Variants in ANKS1B observed in about 807,000 individuals in gnomAD.
The protein encoded by ANKS1B is ankyrin repeat and sterile alpha motif domain-containing protein 1B.
Under a neutral mutation model 148.3 loss-of-function variants are expected in ANKS1B, and 36 were observed. The observed-to-expected ratio is 0.24, with a 90% CI of 0.19 to 0.32. ANKS1B has a LOEUF of 0.32. Ranked by LOEUF, ANKS1B falls within the 10% of genes least tolerant of loss-of-function variation. ANKS1B has a pLI of 1.00. For missense variants in ANKS1B, 1,157 were observed against 1,542.6 expected (o/e 0.75, Z 4.19); for synonymous variants, 542 against 560.8 (o/e 0.97, Z 0.47).
intron 1 of ANKS1B, among the ~76,000 whole-genome samples, chr12:99,933,208 T>G (rs886737900): frequency 4.6e-5 from 7 of 152,168 alleles, no homozygotes; most frequent in African/African-American, 1.7e-4. Flanking sequence ...TCCTCCGGTT[T>G]TGTTCATTTT....
intron 4 of ANKS1B, among the ~76,000 whole-genome samples, chr12:99,794,808 CAAT>C (rs758484368): frequency 1.6e-4 from 24 of 151,732 alleles, no homozygotes; most frequent in Non-Finnish European, 3.2e-4. Flanking sequence ...GCACTATAAT[CAAT>C]AATAATTCAA....
At chr12:99,509,747 C>T (rs553989328) in intron 9 of ANKS1B, among the ~76,000 whole-genome samples, 3 of 152,118 alleles carry the variant, frequency 2.0e-5, no homozygotes, top group African/African-American at 7.2e-5. Flanking sequence ...AAGGTGACTA[C>T]ACTAAACAAT....
chr12:99,754,707 T>C (rs183832838), intron 8 of ANKS1B, among the ~76,000 whole-genome samples: 70 of 152,214 alleles, frequency 4.6e-4, no homozygotes, highest in African/African-American at 1.7e-3. Context: ...CTCAAAGCCA[T>C]ACAACTACAT....
Position 99,405,260 on chromosome 12 carries a change from T to C in ANKS1B, c.1576-5449A>G, listed in dbSNP as rs909211595. Among the ~76,000 whole-genome samples the C allele has an allele frequency of 3.4e-5, 5 of 145,368 alleles. 1 individual carries two copies. The highest frequency in any genetic ancestry group is 2.1e-4 in the South Asian group (1 of 4,768). On this transcript the variant is annotated intron_variant, in intron 11 of 26. Transcript: ENST00000683438. ...AACACAGAATAGTATAACACTGTAA[T>C]TGGGATGTGTGAACTCATATTTTGA...
At chr12:99,284,161 G>A (rs1482651488) in intron 12 of ANKS1B, among the ~76,000 whole-genome samples, 1 of 152,152 alleles carries the variant, frequency 6.6e-6, no homozygotes, top group Non-Finnish European at 1.5e-5. Context: ...AATCTCAGGG[G>A]ATCATCTGAT....
chr12:99,957,420 A>G (rs1374898059), intron 1 of ANKS1B, among the ~76,000 whole-genome samples: 1 of 152,200 alleles, frequency 6.6e-6, no homozygotes, highest in Non-Finnish European at 1.5e-5. Context: ...CTCCCAAAAT[A>G]TCTCCTACAA....
At chr12:99,586,848 T>C (rs1040762488) in intron 9 of ANKS1B, among the ~76,000 whole-genome samples, 10 of 152,110 alleles carry the variant, frequency 6.6e-5, no homozygotes, top group South Asian at 2.1e-4. Context: ...TGAGACTTAT[T>C]AACTATCATG....
chr12:99,705,142 A>G (rs2055531948), intron 8 of ANKS1B, among the ~76,000 whole-genome samples: 1 of 152,108 alleles, frequency 6.6e-6, no homozygotes, highest in South Asian at 2.1e-4. Flanking sequence ...AACTATGTGA[A>G]AGAATATTTT....
chr12:99,608,271 A>G (rs2097866211), intron 9 of ANKS1B, among the ~76,000 whole-genome samples: 1 of 152,042 alleles, frequency 6.6e-6, no homozygotes, highest in African/African-American at 2.4e-5. Context: ...GTAGCTTTCA[A>G]GTGCGCAAAC....
At chr12:99,677,174 A>G (rs1599461760) in intron 8 of ANKS1B, among the ~76,000 whole-genome samples, 1 of 152,336 alleles carries the variant, frequency 6.6e-6, no homozygotes, top group Non-Finnish European at 1.5e-5. Context: ...TTGCGCTCCT[A>G]CATCTTTCAT....
intron 12 of ANKS1B, among the ~76,000 whole-genome samples, chr12:99,318,655 T>C (rs1369176116): frequency 6.6e-6 from 1 of 152,146 alleles, no homozygotes; most frequent in Non-Finnish European, 1.5e-5. Context: ...AAGGTTTTTT[T>C]ATGTCTCTAT....
intron 26 of ANKS1B, among the ~76,000 whole-genome samples, chr12:98,750,307 C>T (rs1289757839): frequency 2.6e-5 from 4 of 152,064 alleles, no homozygotes; most frequent in Admixed American, 1.3e-4. Context: ...AGCGAATGGC[C>T]GGGGCTGGAG....
intron 23 of ANKS1B, chr12:98,781,535 A>G (rs778510421): frequency 7.7e-5 from 34 of 439,084 alleles, no homozygotes; most frequent in South Asian, 5.8e-4. Context: ...TCTGTCTCCT[A>G]CTGCAATTTC....
intron 1 of ANKS1B, among the ~76,000 whole-genome samples, chr12:99,877,489 A>G (rs138540229): frequency 2.0e-3 from 312 of 152,330 alleles, no homozygotes; most frequent in African/African-American, 7.3e-3. Context: ...TCTAGGAAAC[A>G]TAGGCTCTAA....
intron 20 of ANKS1B, among the ~76,000 whole-genome samples, chr12:98,802,693 A>G (rs2099015609): frequency 7.1e-6 from 1 of 140,858 alleles, no homozygotes; most frequent in Non-Finnish European, 1.5e-5. Flanking sequence ...CAGAAGAGCA[A>G]AGTTAGCATC....
intron 17 of ANKS1B, among the ~76,000 whole-genome samples, chr12:98,874,280 T>C (rs2099681300): frequency 6.6e-6 from 1 of 151,404 alleles, no homozygotes; most frequent in Non-Finnish European, 1.5e-5. Flanking sequence ...CCAAAAGAAA[T>C]AAGAAGCCGA....
chr12:99,511,511 C>T (rs941791928), intron 9 of ANKS1B, among the ~76,000 whole-genome samples: 6 of 151,962 alleles, frequency 3.9e-5, no homozygotes, highest in African/African-American at 1.4e-4. Flanking sequence ...ATAGACAATG[C>T]TATTCCCATT....
chr12:99,916,874 C>T (rs533579899), intron 1 of ANKS1B, among the ~76,000 whole-genome samples: 5 of 152,040 alleles, frequency 3.3e-5, no homozygotes, highest in South Asian at 2.1e-4. Context: ...TTTTGTAAGT[C>T]GACAAAATAA....
rs565870897 is a variant in ANKS1B, at chr12:99,105,630, G to A, written c.2527-20607C>T. ...AAAAAATACAAAAAATTAGCCAGGC[G>A]TTGTGGCGGGTGCCTGTAGTCCCAG... On this transcript the variant is annotated intron_variant, in intron 15 of 26. Coordinates refer to ENST00000683438, the MANE Select transcript of ANKS1B (RefSeq NM_001352186.2). Among the ~76,000 whole-genome samples the A allele has an allele frequency of 2.1e-4, 32 of 151,588 alleles. No homozygotes were observed. In the East Asian group the frequency reaches 4.3e-3, roughly 20 times the overall value.
Sources: gnomAD v4.1 joint callset for allele counts (sites outside exome capture counted in the v4.1 genomes callset) on GRCh38, gnomAD v4.1.1 for gene constraint, MANE v1.5 for transcripts, NCBI Gene and HGNC (gene_info 2026-07-23, HGNC 2026-07-21) for gene names.